Variants in TRDN observed in about 807,000 individuals in gnomAD.
TRDN encodes the protein triadin in skeletal muscle.
Under a neutral mutation model 149.7 loss-of-function variants are expected in TRDN, and 161 were observed. That is an observed-to-expected ratio of 1.08 (90% CI 0.95 to 1.23). The LOEUF (loss-of-function observed/expected upper bound fraction) is 1.23, where lower values mean the gene tolerates loss of function less well. Ranked by LOEUF, TRDN falls within the 50% of genes most tolerant of loss-of-function variation. The pLI is 0.00. For missense variants in TRDN, 896 were observed against 823.5 expected, an observed-to-expected ratio of 1.09 and a Z score of -1.08; for synonymous variants, 294 against 250.5, an observed-to-expected ratio of 1.17 and a Z score of -1.64.
At chr6:123,612,352 A>G (rs1009713848) in intron 1 of TRDN, among the ~76,000 whole-genome samples, 3 of 151,562 alleles carry the variant, frequency 2.0e-5, no homozygotes, top group African/African-American at 7.3e-5. Flanking sequence ...TGGCACATGT[A>G]TACATATGTA....
chr6:123,438,381 G>A (rs932743663), intron 11 of TRDN, among the ~76,000 whole-genome samples: 1 of 151,676 alleles, frequency 6.6e-6, no homozygotes, highest in African/African-American at 2.4e-5. Flanking sequence ...ACATTAAATG[G>A]CATTATTAAT....
chr6:123,260,756 A>T (rs538965636), intron 33 of TRDN, 118 bp from the exon 34 acceptor site: 3 of 847,476 alleles, frequency 3.5e-6, no homozygotes, highest in Non-Finnish European at 5.1e-6. Flanking sequence ...TTCTTCCTAA[A>T]TTACAATAGG....
chr6:123,605,977 A>G lies in TRDN; in HGVS notation c.22+30777T>C, dbSNP rs528447157. Among the ~76,000 whole-genome samples, 5 of 152,288 alleles carry G rather than the reference A, an allele frequency of 3.3e-5. No individual in the cohort carries two copies. In the East Asian group the frequency reaches 5.8e-4, roughly 18 times the overall value. On this transcript the variant is annotated intron_variant, in intron 1 of 40. Transcript: ENST00000334268. ...ATTATCTCTGTGAAAGAGGAAGCCA[A>G]GCCAATGATCATTATTGGAAAATCA...
intron 9 of TRDN, among the ~76,000 whole-genome samples, chr6:123,481,941 A>G (rs754833195): frequency 5.3e-5 from 8 of 152,214 alleles, no homozygotes; most frequent in Non-Finnish European, 1.2e-4. Flanking sequence ...TAATTCCTAG[A>G]AAATAAAATC....
At position 123,566,682 on chromosome 6, in the gene TRDN, T is replaced by A. The variant is rs546488376; in HGVS notation, c.232+4241A>T. On this transcript the variant is annotated intron_variant, in intron 2 of 40. Coordinates refer to ENST00000334268, the MANE Select transcript of TRDN (RefSeq NM_006073.4). Reference sequence around the variant, plus strand: ...TTGTAAATACTAACAATTATATATTTCAAAGATTATCACATGGTACAAAAG... The same window carrying A: ...TTGTAAATACTAACAATTATATATTACAAAGATTATCACATGGTACAAAAG... 2.0e-5 allele frequency among the ~76,000 whole-genome samples: 3 copies of A among 152,276 alleles called. No individual in the cohort carries two copies. The South Asian group carries it at 6.2e-4, about 32-fold the overall frequency.
chr6:123,343,823 T>C (rs1186236768), intron 21 of TRDN, among the ~76,000 whole-genome samples: 1 of 152,088 alleles, frequency 6.6e-6, no homozygotes, highest in Admixed American at 6.6e-5. Flanking sequence ...GGAGTTCCTG[T>C]ACATTCTTTC....
chr6:123,478,048 T>C (rs1486283211), intron 9 of TRDN, among the ~76,000 whole-genome samples: 1 of 145,412 alleles, frequency 6.9e-6, no homozygotes, highest in Admixed American at 6.9e-5. Flanking sequence ...CCCTAAAACT[T>C]AAAGTATAAT....
At chr6:123,631,993 T>C (rs1442674216) in intron 1 of TRDN, among the ~76,000 whole-genome samples, 1 of 152,150 alleles carries the variant, frequency 6.6e-6, no homozygotes, top group Non-Finnish European at 1.5e-5. Context: ...AATTATTCAT[T>C]AAGGTTATCT....
intron 24 of TRDN, among the ~76,000 whole-genome samples, chr6:123,311,816 T>G (rs1408154510): frequency 6.6e-6 from 1 of 151,958 alleles, no homozygotes; most frequent in Non-Finnish European, 1.5e-5. Flanking sequence ...TGGAGGAAAC[T>G]GTATTTAGAT....
chr6:123,393,681 G>A lies in TRDN; in HGVS notation c.1052-4C>T. On this transcript the variant is annotated splice_polypyrimidine_tract_variant and splice_region_variant and intron_variant, in intron 12 of 40. Coordinates refer to ENST00000334268, the MANE Select transcript of TRDN (RefSeq NM_006073.4). ...GTTTCAGAAGCTTTTCCCGGCTCTT[G>A]GAATGAAAAAAACATAAATTACCAT... The A allele has an allele frequency of 6.2e-7, 1 of 1,600,790 alleles. No homozygotes were observed. The highest frequency in any genetic ancestry group is 1.1e-5 in the South Asian group (1 of 89,244).
In TRDN at chr6:123,271,204, G is replaced by C. The variant is rs547807106; in HGVS notation, c.1673-18C>G. 2 of 1,510,168 alleles carry C rather than the reference G, an allele frequency of 1.3e-6. No individual in the cohort carries two copies. Among genetic ancestry groups the C allele is most frequent in the Non-Finnish European group, 1.8e-6 (2 of 1,126,396 alleles). The allele number at this position is 1,510,168 out of a possible 1,614,324, so 93.5% of individuals were successfully genotyped here. ...TTTTTCTTCTGTGATAGGAAAAAAT[G>C]TTAACACAAGTAGGAAATTTGAATA... is the stretch of plus-strand genomic sequence containing the variant. On this transcript the variant is annotated intron_variant, in intron 29 of 40. Transcript: ENST00000334268.
intron 11 of TRDN, among the ~76,000 whole-genome samples, chr6:123,438,381 G>T (rs932743663): frequency 6.6e-6 from 1 of 151,676 alleles, no homozygotes; most frequent in African/African-American, 2.4e-5. Context: ...ACATTAAATG[G>T]CATTATTAAT....
At chr6:123,612,264 T>TGGGGGGA in intron 1 of TRDN, among the ~76,000 whole-genome samples, 1 of 51,728 alleles carries the variant, frequency 1.9e-5, no homozygotes, top group Non-Finnish European at 3.3e-5. Flanking sequence ...TTATCTGGGG[T>TGGGGGGA]GGGGGGAGGG....
intron 9 of TRDN, among the ~76,000 whole-genome samples, chr6:123,491,623 T>G (rs1778222400): frequency 6.6e-6 from 1 of 152,216 alleles, no homozygotes; most frequent in African/African-American, 2.4e-5. Flanking sequence ...ATGTATATTT[T>G]CTATGTCTTC....
chr6:123,228,333 T>G (rs1048953872), intron 38 of TRDN, among the ~76,000 whole-genome samples: 25 of 151,900 alleles, frequency 1.6e-4, no homozygotes, highest in Non-Finnish European at 8.8e-5. Context: ...CTGCATTAGT[T>G]TGTTTTCATA....
chr6:123,465,166 G>T (rs1301486575), intron 9 of TRDN, among the ~76,000 whole-genome samples, 183 bp from the exon 10 acceptor site: 1 of 152,118 alleles, frequency 6.6e-6, no homozygotes, highest in Non-Finnish European at 1.5e-5. Context: ...CACCTTCGCG[G>T]ATTCAGTTAT....
At chr6:123,502,318 A>C (rs1280103238) in intron 8 of TRDN, 1 of 823,814 alleles carries the variant, frequency 1.2e-6, no homozygotes, top group African/African-American at 1.8e-5. Context: ...TTTTGATGGA[A>C]GTAATAATTA....
intron 12 of TRDN, among the ~76,000 whole-genome samples, chr6:123,406,203 T>C (rs1773183108): frequency 6.6e-6 from 1 of 152,186 alleles, no homozygotes; most frequent in African/African-American, 2.4e-5. Flanking sequence ...ATTCTGAATG[T>C]TATTTTCAAC....
At chr6:123,425,152 T>C (rs1445374870) in intron 12 of TRDN, among the ~76,000 whole-genome samples, 1 of 151,550 alleles carries the variant, frequency 6.6e-6, no homozygotes, top group African/African-American at 2.4e-5. Context: ...GCTAGAGAGA[T>C]TTAAGCCTGG....
Sources: allele counts gnomAD v4.1 joint callset (sites outside exome capture counted in the v4.1 genomes callset), GRCh38; gene constraint gnomAD v4.1.1; transcripts MANE v1.5; gene names NCBI Gene and HGNC (gene_info 2026-07-23, HGNC 2026-07-21).